Variants in FAM193A observed in about 807,000 individuals in gnomAD.
FAM193A encodes the protein family with sequence similarity 193 member A, also known as protein FAM193A.
A neutral mutation model predicts 126.5 loss-of-function variants in FAM193A; 22 were observed. That is an observed-to-expected ratio of 0.17 (90% CI 0.12 to 0.25). FAM193A has a LOEUF of 0.25. Among genes scored for constraint, FAM193A ranks in the 10% least tolerant of loss-of-function variants. The probability of loss-of-function intolerance (pLI) is 1.00; values close to 1 mark genes in which losing one functional copy is unlikely to be tolerated. For synonymous variants in FAM193A, 761 were observed against 646.8 expected, an observed-to-expected ratio of 1.18 and a Z score of -2.68; for missense variants, 1,675 against 1,672.8, an observed-to-expected ratio of 1.00 and a Z score of -0.02.
intron 1 of FAM193A, among the ~76,000 whole-genome samples, chr4:2,586,298 C>G (rs1292155541): frequency 1.3e-5 from 2 of 151,820 alleles, no homozygotes; most frequent in Non-Finnish European, 2.9e-5. Context: ...TTCCTTTATG[C>G]TTTAGTGCTT....
Position 2,656,091 on chromosome 4 carries a change from C to G in FAM193A, c.1312-1712C>G, listed in dbSNP as rs1051299210. On this transcript the variant is annotated intron_variant, in intron 7 of 20. Transcript: ENST00000637812. The stretch of plus-strand genomic sequence containing the variant: ...TGTGAGCCACTGCATCCAGCCAGGA[C>G]TTTTATATCTATATTCTGAGGTATA... Among the ~76,000 whole-genome samples, 18 of 152,118 alleles carry G rather than the reference C, an allele frequency of 1.2e-4. No homozygotes were observed. In the East Asian group the frequency reaches 3.1e-3, roughly 26 times the overall value.
intron 13 of FAM193A, among the ~76,000 whole-genome samples, chr4:2,672,848 G>A (rs1713975889): frequency 6.6e-6 from 1 of 152,174 alleles, no homozygotes; most frequent in Non-Finnish European, 1.5e-5. Flanking sequence ...TAAAGGAAGA[G>A]CCCTAAGTGT....
chr4:2,570,323 A>G (rs909169650), intron 1 of FAM193A, among the ~76,000 whole-genome samples: 1 of 152,140 alleles, frequency 6.6e-6, no homozygotes, highest in Non-Finnish European at 1.5e-5. Context: ...AAAGCAGTAC[A>G]TTCTATGAGT....
intron 3 of FAM193A, among the ~76,000 whole-genome samples, chr4:2,626,028 A>G (rs1742930506): frequency 6.6e-6 from 1 of 152,092 alleles, no homozygotes; most frequent in South Asian, 2.1e-4. Flanking sequence ...CCAGCCCAGG[A>G]GCACATCTAA....
intron 19 of FAM193A, among the ~76,000 whole-genome samples, chr4:2,710,725 A>C (rs1718856000): frequency 6.6e-6 from 1 of 151,372 alleles, no homozygotes; most frequent in South Asian, 2.1e-4. Flanking sequence ...GGCTGGTCTC[A>C]AACTCCTGGT....
intron 17 of FAM193A, among the ~76,000 whole-genome samples, chr4:2,695,362 A>C (rs2239726): frequency 0.36 from 55,211 of 152,096 alleles, 11,222 homozygotes; most frequent in Admixed American, 0.56. Flanking sequence ...AGGTATTCCT[A>C]CTGAATACCC....
At chr4:2,597,911 AT>A (rs369645448) in intron 2 of FAM193A, among the ~76,000 whole-genome samples, 3 of 148,332 alleles carry the variant, frequency 2.0e-5, no homozygotes, top group Admixed American at 6.7e-5. Context: ...ACTCACCTGA[AT>A]TTTTTTTTTT....
chr4:2,602,137 G>A (rs898476982), intron 2 of FAM193A, among the ~76,000 whole-genome samples: 1 of 151,768 alleles, frequency 6.6e-6, no homozygotes, highest in African/African-American at 2.4e-5. Flanking sequence ...CTGCACCCAG[G>A]CAATTATTGC....
chr4:2,580,309 A>G (rs981188920), intron 1 of FAM193A, among the ~76,000 whole-genome samples: 3 of 152,166 alleles, frequency 2.0e-5, no homozygotes, highest in Non-Finnish European at 4.4e-5. Context: ...GGGGAACAAC[A>G]TACACTGTGG....
chr4:2,545,491 A>G (rs1041588797), intron 1 of FAM193A, among the ~76,000 whole-genome samples: 1 of 151,944 alleles, frequency 6.6e-6, no homozygotes, highest in Admixed American at 6.6e-5. Flanking sequence ...GGCTGCTATG[A>G]GTCAACTGAT....
At chr4:2,708,312 A>G (rs762195641) in intron 19 of FAM193A, 3 of 310,972 alleles carry the variant, frequency 9.6e-6, no homozygotes, top group South Asian at 7.0e-5. Flanking sequence ...TTTAGTAGAG[A>G]TAGAGTTTCA....
Position 2,662,948 on chromosome 4 carries a change from G to A in FAM193A, c.1856G>A (p.Ser619Asn), listed in dbSNP as rs372092950. ...GTGGCCAACATGAATGGAATCCACA[G>A]CGAATTGAATGGTGGCGGGGAAAAC... Reference protein sequence around the residue: ...EVVANMNGIHSELNGGGENMA... With the variant: ...EVVANMNGIHNELNGGGENMA... Residue 619 changes from serine to asparagine, a missense_variant, in exon 11 of 21, where the codon AGC (serine) becomes AAC (asparagine). Physicochemically the swap from Ser to Asn is conservative, Grantham distance 46. Around this residue, in one of 4 missense-constraint regions of FAM193A, gnomAD observed 1,186 missense variants for 1,109.2 expected, o/e 1.07. Coordinates refer to ENST00000637812, the MANE Select transcript of FAM193A (RefSeq NM_001366318.2). 61 of 1,613,580 alleles carry A rather than the reference G, an allele frequency of 3.8e-5. No individual in the cohort carries two copies. Among genetic ancestry groups the A allele is most frequent in the Non-Finnish European group, 4.0e-5 (47 of 1,179,616 alleles).
intron 1 of FAM193A, among the ~76,000 whole-genome samples, chr4:2,550,641 G>A (rs1234330817): frequency 2.6e-5 from 4 of 151,228 alleles, no homozygotes; most frequent in African/African-American, 9.7e-5. Flanking sequence ...TCTCCATGTT[G>A]GTCAGGCTGG....
chr4:2,647,255 C>T (rs1428879194), intron 7 of FAM193A, among the ~76,000 whole-genome samples: 1 of 152,176 alleles, frequency 6.6e-6, no homozygotes, highest in Non-Finnish European at 1.5e-5. Flanking sequence ...AAGTGATTCT[C>T]CTGCCTCAGC....
chr4:2,614,638 ATTTTCTCTT>A (rs1397966896), intron 2 of FAM193A, among the ~76,000 whole-genome samples: 1 of 152,050 alleles, frequency 6.6e-6, no homozygotes, highest in African/African-American at 2.4e-5. Context: ...GCTAGGATGT[ATTTTCTCTT>A]TGATTTTCCG....
chr4:2,600,551 G>T (rs766237104), intron 2 of FAM193A, among the ~76,000 whole-genome samples: 1 of 152,046 alleles, frequency 6.6e-6, no homozygotes, highest in Admixed American at 6.6e-5. Flanking sequence ...TTGCTTCTTA[G>T]ACTACGTGTA....
intron 1 of FAM193A, among the ~76,000 whole-genome samples, chr4:2,593,990 G>A (rs981412346): frequency 6.6e-6 from 1 of 152,066 alleles, no homozygotes; most frequent in East Asian, 1.9e-4. Context: ...CTGTGGGGAG[G>A]TAGGACGCAG....
chr4:2,567,817 C>A (rs1020643678), intron 1 of FAM193A, among the ~76,000 whole-genome samples: 1 of 152,142 alleles, frequency 6.6e-6, no homozygotes, highest in Non-Finnish European at 1.5e-5. Context: ...GGTGTCCCTG[C>A]CGATGAAGTC....
At chr4:2,537,398 C>T (rs1052794407) in intron 1 of FAM193A, among the ~76,000 whole-genome samples, 13 of 152,306 alleles carry the variant, frequency 8.5e-5, no homozygotes, top group South Asian at 2.1e-4. Context: ...AGAGGAGAAC[C>T]TGAGCAGAGG....
Sources: allele counts gnomAD v4.1 joint callset (sites outside exome capture counted in the v4.1 genomes callset), GRCh38; gene constraint gnomAD v4.1.1; regional missense constraint gnomAD v4.1.1; transcripts MANE v1.5; gene names NCBI Gene and HGNC (gene_info 2026-07-23, HGNC 2026-07-21).